Variants in MTUS2 observed in about 807,000 individuals in gnomAD.
MTUS2 encodes the protein microtubule-associated tumor suppressor candidate 2.
In MTUS2, 40 loss-of-function variants were observed where a neutral mutation model predicts 114.1. The ratio of observed to expected loss-of-function variants is 0.35; its 90% CI spans 0.27 to 0.46. MTUS2 has a LOEUF of 0.46. Among genes scored for constraint, MTUS2 ranks in the 20% least tolerant of loss-of-function variants. MTUS2 has a pLI of 1.00. For synonymous variants in MTUS2, 688 were observed against 672.0 expected, an observed-to-expected ratio of 1.02 and a Z score of -0.37; for missense variants, 1,679 against 1,705.4, an observed-to-expected ratio of 0.98 and a Z score of 0.27.
chr13:29,106,983 T>C (rs943196451), intron 5 of MTUS2, among the ~76,000 whole-genome samples: 1 of 152,138 alleles, frequency 6.6e-6, no homozygotes, highest in African/African-American at 2.4e-5. Context: ...CACATTTTTC[T>C]ATGAGGGCTT....
At chr13:29,481,209 A>G (rs1479370134) in intron 10 of MTUS2, among the ~76,000 whole-genome samples, 1 of 152,218 alleles carries the variant, frequency 6.6e-6, no homozygotes, top group Admixed American at 6.5e-5. Flanking sequence ...TGGAGAGGAA[A>G]ATGCATCCAT....
chr13:29,159,358 C>T (rs1000901434), intron 5 of MTUS2, among the ~76,000 whole-genome samples: 1 of 151,954 alleles, frequency 6.6e-6, no homozygotes, highest in Non-Finnish European at 1.5e-5. Flanking sequence ...CACATAGACA[C>T]ATACATACGT....
rs535586124 is a variant in MTUS2 at position 28,928,735 on chromosome 13, A to G, written c.-243+88885A>G. On this transcript the variant is annotated intron_variant, in intron 2 of 15. Transcript: ENST00000612955. ...CCAGCAATTCCACTCCTGGGTATAT[A>G]TCCAAAACAAAGGAAATCAGTATAT... Among the ~76,000 whole-genome samples, 9 of 152,364 alleles carry G rather than the reference A, an allele frequency of 5.9e-5. No homozygotes were observed. In the South Asian group the frequency reaches 1.4e-3, roughly 25 times the overall value.
At chr13:29,393,753 C>T (rs1873693715) in intron 8 of MTUS2, among the ~76,000 whole-genome samples, 1 of 152,092 alleles carries the variant, frequency 6.6e-6, no homozygotes, top group Non-Finnish European at 1.5e-5. Flanking sequence ...CCAAGAACAG[C>T]TTGGTTTTAT....
chr13:29,084,349 C>G (rs1889573539), intron 4 of MTUS2, among the ~76,000 whole-genome samples: 1 of 151,302 alleles, frequency 6.6e-6, no homozygotes, highest in Admixed American at 6.6e-5. Flanking sequence ...CTTTCTTCTT[C>G]CCTCCACCCT....
chr13:29,183,970 C>A (rs1341799666), intron 5 of MTUS2, among the ~76,000 whole-genome samples: 2 of 152,094 alleles, frequency 1.3e-5, no homozygotes, highest in Non-Finnish European at 2.9e-5. Context: ...GTTAACTGTA[C>A]AGTTTTTGCC....
chr13:28,926,870 AAAT>A (rs1458031076), intron 2 of MTUS2, among the ~76,000 whole-genome samples: 1 of 152,200 alleles, frequency 6.6e-6, no homozygotes, highest in Non-Finnish European at 1.5e-5. Context: ...TTAGTTGCTG[AAAT>A]AATAATAGTT....
At chr13:29,083,359 A>G (rs540636199) in intron 4 of MTUS2, among the ~76,000 whole-genome samples, 3 of 152,302 alleles carry the variant, frequency 2.0e-5, no homozygotes, top group East Asian at 1.9e-4. Context: ...GAGTGCAGTT[A>G]AGACCTTCCC....
At chr13:28,893,769 A>G (rs745904116) in intron 2 of MTUS2, among the ~76,000 whole-genome samples, 4 of 152,202 alleles carry the variant, frequency 2.6e-5, no homozygotes, top group Non-Finnish European at 4.4e-5. Context: ...GACAGGTTAA[A>G]CAGACATTCC....
Position 29,503,294 on chromosome 13 carries a change from C to T in MTUS2, c.*88C>T, listed in dbSNP as rs1180984741. 3 of 1,466,408 alleles carry T rather than the reference C, an allele frequency of 2.0e-6. No homozygotes were observed. Among genetic ancestry groups the T allele is most frequent in the Admixed American group, 1.8e-5 (1 of 55,612 alleles). The allele number at this position is 1,466,408 out of a possible 1,614,324, so 90.8% of individuals were successfully genotyped here. A position where few individuals can be genotyped will look rare whatever the true frequency, so the allele number is the denominator to read the frequency against. On this transcript the variant is annotated 3_prime_UTR_variant, in exon 16 of 16. Transcript: ENST00000612955. ...ACCGACCCGGTGCCGCCGGAGCTGG[C>T]CCTGTGCGCATGCTCAGTAGCTGCG...
chr13:29,502,658 C>T (rs1882985440), intron 15 of MTUS2, among the ~76,000 whole-genome samples: 1 of 152,270 alleles, frequency 6.6e-6, no homozygotes, highest in African/African-American at 2.4e-5. Flanking sequence ...TCTCTCCTTT[C>T]GGAGCTTCCG....
intron 6 of MTUS2, among the ~76,000 whole-genome samples, chr13:29,318,285 C>A (rs1002990260): frequency 8.0e-6 from 1 of 124,456 alleles, no homozygotes; most frequent in Non-Finnish European, 1.7e-5. Context: ...GTGCTGATTT[C>A]TTTTTATTAA....
chr13:29,026,091 G>A lies in MTUS2; in HGVS notation c.1393G>A (p.Asp465Asn), dbSNP rs1252492365. 6.2e-7 allele frequency: 1 copy of A among 1,613,992 alleles called. No individual in the cohort carries two copies. The highest frequency in any genetic ancestry group is 8.5e-7 in the Non-Finnish European group (1 of 1,179,892). ...AAGGCGGTTGGGCAGTGGGAATAAG[G>A]ACAGTGTTATGGTTTTGGTGTTCAA... is the stretch of plus-strand genomic sequence containing the variant. Reference protein sequence around the residue: ...EERRLGSGNKDSVMVLVFNPS... With the variant: ...EERRLGSGNKNSVMVLVFNPS... Residue 465 changes from aspartate (D) to asparagine (N), a missense_variant, in exon 3 of 16, where the codon GAC becomes AAC. By Grantham distance (23) the Asp-to-Asn change is conservative (BLOSUM62 1). Transcript: ENST00000612955.
intron 5 of MTUS2, among the ~76,000 whole-genome samples, chr13:29,249,684 C>A (rs1897056123): frequency 6.6e-6 from 1 of 152,024 alleles, no homozygotes; most frequent in Non-Finnish European, 1.5e-5. Flanking sequence ...TGTTTAAGTT[C>A]TTTGTAAATT....
chr13:29,115,425 T>C (rs1465173864), intron 5 of MTUS2, among the ~76,000 whole-genome samples: 1 of 152,208 alleles, frequency 6.6e-6, no homozygotes, highest in Admixed American at 6.5e-5. Context: ...CCTTTCTGGC[T>C]AGTTGTTAAG....
chr13:29,074,276 C>T (rs1372405375), intron 4 of MTUS2, among the ~76,000 whole-genome samples: 1 of 152,124 alleles, frequency 6.6e-6, no homozygotes, highest in Non-Finnish European at 1.5e-5. Context: ...CCTTTTTATC[C>T]TTTATGACTC....
At chr13:29,005,949 G>T (rs1317356348) in intron 2 of MTUS2, among the ~76,000 whole-genome samples, 1 of 152,194 alleles carries the variant, frequency 6.6e-6, no homozygotes, top group Non-Finnish European at 1.5e-5. Flanking sequence ...ATGGCCCATT[G>T]TAACAATTCT....
At chr13:29,275,927 T>C (rs1898046858) in intron 5 of MTUS2, among the ~76,000 whole-genome samples, 1 of 152,344 alleles carries the variant, frequency 6.6e-6, no homozygotes, top group Middle Eastern at 3.4e-3. Context: ...TGTTTGAGCT[T>C]TAGGTGTCAC....
intron 2 of MTUS2, among the ~76,000 whole-genome samples, chr13:28,900,076 C>T (rs562637158): frequency 2.0e-5 from 3 of 152,102 alleles, no homozygotes; most frequent in South Asian, 2.1e-4. Flanking sequence ...TTAGTAGAGA[C>T]GGGGTTTCAC....
Sources: gnomAD v4.1 joint callset for allele counts (sites outside exome capture counted in the v4.1 genomes callset) on GRCh38, gnomAD v4.1.1 for gene constraint, MANE v1.5 for transcripts, NCBI Gene and HGNC (gene_info 2026-07-23, HGNC 2026-07-21) for gene names.